The following NIPBL variants were observed in gnomAD, a reference collection of about 807,000 sequenced individuals.
The protein encoded by NIPBL is nipped-B-like protein.
Under a neutral mutation model 321.8 loss-of-function variants are expected in NIPBL, and 19 were observed. The ratio of observed to expected loss-of-function variants is 0.06; its 90% CI spans 0.04 to 0.09. The LOEUF is 0.09. Among genes scored for constraint, NIPBL ranks in the 10% least tolerant of loss-of-function variants. The pLI, the probability that NIPBL is intolerant of heterozygous loss-of-function variation, is 1.00. For synonymous variants in NIPBL, 1,106 were observed against 1,114.1 expected, an observed-to-expected ratio of 0.99 and a Z score of 0.14; for missense variants, 2,210 against 3,327.0, an observed-to-expected ratio of 0.66 and a Z score of 8.26.
At chr5:36,947,431 A>G (rs991087747) in intron 1 of NIPBL, among the ~76,000 whole-genome samples, 10 of 151,946 alleles carry the variant, frequency 6.6e-5, no homozygotes, top group Non-Finnish European at 1.3e-4. Flanking sequence ...CCTTATCACT[A>G]TTAAATTAGT....
intron 1 of NIPBL, among the ~76,000 whole-genome samples, chr5:36,948,673 A>G (rs892747641): frequency 6.6e-6 from 1 of 151,912 alleles, no homozygotes; most frequent in African/African-American, 2.4e-5. Flanking sequence ...AACTTAACAT[A>G]AAAAATACCA....
At position 36,958,137 on chromosome 5, in the gene NIPBL, A is replaced by T; in HGVS notation, c.264A>T (p.Pro88=). Residue 88 remains proline, a synonymous_variant, in exon 4 of 47, where the codon CCA becomes CCT. Coordinates refer to ENST00000282516, the MANE Select transcript of NIPBL (RefSeq NM_133433.4). ...ELKDNLGSDD[P]EGDIPVLLQA... The stretch of plus-strand genomic sequence containing the variant: ...AAGATAACCTTGGCAGTGATGACCC[A>T]GAAGGTGACATACCAGTCTTGTTGC... 1 of 1,614,102 alleles carries T rather than the reference A, an allele frequency of 6.2e-7. No individual in the cohort carries two copies. Among genetic ancestry groups the T allele is most frequent in the Non-Finnish European group, 8.5e-7 (1 of 1,179,968 alleles).
intron 1 of NIPBL, among the ~76,000 whole-genome samples, chr5:36,929,123 G>A (rs1580256209): frequency 1.3e-5 from 2 of 152,094 alleles, no homozygotes; most frequent in African/African-American, 4.8e-5. Context: ...TACCAGCAGT[G>A]TGTAAGGGTT....
Position 36,970,882 on chromosome 5 carries a change from T to A in NIPBL, c.617T>A (p.Val206Glu), listed in dbSNP as rs1742780375. ...TTHPQMQQASVSSPIVAGGLR... is the reference protein window; with the variant it reads ...TTHPQMQQASESSPIVAGGLR... ...TTATTCTTATTAATTTCAGCATCGG[T>A]ATCAAGTCCCATTGTTGCAGGTGGT... The change falls in exon 7 of 47, where the codon GTA (valine) becomes GAA (glutamate). Residue 206 changes from valine to glutamate, a missense_variant. Val to Glu is a moderately radical substitution (Grantham distance 121). Coordinates refer to ENST00000282516, the MANE Select transcript of NIPBL (RefSeq NM_133433.4). The A allele has an allele frequency of 3.1e-6, 5 of 1,613,128 alleles. No homozygotes were observed. The highest frequency in any genetic ancestry group is 4.2e-6 in the Non-Finnish European group (5 of 1,179,296).
intron 7 of NIPBL, 117 bp from the exon 8 acceptor site, chr5:36,971,828 C>T: frequency 2.0e-6 from 3 of 1,499,130 alleles, no homozygotes; most frequent in Non-Finnish European, 2.7e-6. Context: ...AAGAATTATG[C>T]TTTTGAATTC....
intron 1 of NIPBL, chr5:36,885,164 C>G (rs1352910976): frequency 4.1e-6 from 2 of 485,206 alleles, no homozygotes; most frequent in African/African-American, 2.0e-5. Flanking sequence ...TCAGGGTCAG[C>G]AAAGCCTGAG....
In NIPBL at chr5:37,064,904, A is replaced by G. The variant is rs1755233358; in HGVS notation, c.*12A>G. On this transcript the variant is annotated 3_prime_UTR_variant, in exon 47 of 47. Transcript: ENST00000282516. ...GGACTTCCAGCTAATGAATTTGTACATGCAGCCAAATTTACAGGAATTTTT... is the reference window on the plus strand; with the variant it reads ...GGACTTCCAGCTAATGAATTTGTACGTGCAGCCAAATTTACAGGAATTTTT... 4 of 1,613,994 alleles carry G rather than the reference A, an allele frequency of 2.5e-6. No individual in the cohort carries two copies. The highest frequency in any genetic ancestry group is 1.1e-5 in the South Asian group (1 of 91,076).
intron 1 of NIPBL, among the ~76,000 whole-genome samples, chr5:36,937,794 T>C (rs1181099085): frequency 6.6e-6 from 1 of 152,208 alleles, no homozygotes; most frequent in Non-Finnish European, 1.5e-5. Flanking sequence ...AGCCTTATTT[T>C]AGGACCAACT....
In NIPBL at chr5:37,006,596, C is replaced by T. The variant is rs769419682; in HGVS notation, c.4087+8C>T. The T allele has an allele frequency of 5.2e-6, 8 of 1,546,226 alleles. 1 individual carries two copies. The highest frequency in any genetic ancestry group is 4.1e-5 in the African/African-American group (3 of 73,412). On this transcript the variant is annotated splice_region_variant and intron_variant, in intron 17 of 46. Transcript: ENST00000282516. ...GATTAGATCCTCATGGAGGTTAGTTCGTATAATATCAAAATTATTGTAAAT... is the reference window on the plus strand; with the variant it reads ...GATTAGATCCTCATGGAGGTTAGTTTGTATAATATCAAAATTATTGTAAAT...
chr5:36,905,025 G>T (rs190687852), intron 1 of NIPBL, among the ~76,000 whole-genome samples: 2 of 152,286 alleles, frequency 1.3e-5, no homozygotes, highest in Admixed American at 1.3e-4. Context: ...ATTAGTATGA[G>T]AATTCCAGTG....
intron 34 of NIPBL, among the ~76,000 whole-genome samples, chr5:37,040,647 A>G (rs1435364274): frequency 2.0e-5 from 3 of 152,162 alleles, no homozygotes; most frequent in Non-Finnish European, 4.4e-5. Context: ...ACTACAAACA[A>G]TTTTTAAATA....
In NIPBL at chr5:36,943,282, A is replaced by G. The variant is rs530745179; in HGVS notation, c.-79-10336A>G. ...ACAATTGGAAATCAAAAATTTGTCA[A>G]TTATAATAACATCAAAAATGTGAAC... On this transcript the variant is annotated intron_variant, in intron 1 of 46. Coordinates refer to ENST00000282516, the MANE Select transcript of NIPBL (RefSeq NM_133433.4). Among the ~76,000 whole-genome samples the G allele has an allele frequency of 7.8e-4, 119 of 152,312 alleles. 1 individual carries two copies. The South Asian group carries it at 0.014, about 18-fold the overall frequency.
chr5:36,880,350 GTAAA>G (rs1391673177), intron 1 of NIPBL, among the ~76,000 whole-genome samples: 1 of 151,912 alleles, frequency 6.6e-6, no homozygotes, highest in Non-Finnish European at 1.5e-5. Flanking sequence ...TAATATAAGA[GTAAA>G]TAAAAACCAG....
At chr5:36,918,627 T>G (rs900819677) in intron 1 of NIPBL, among the ~76,000 whole-genome samples, 3 of 152,082 alleles carry the variant, frequency 2.0e-5, no homozygotes, top group South Asian at 2.1e-4. Context: ...ATGCTTCCAG[T>G]TTTTGCCCAT....
chr5:37,018,091 A>G, intron 24 of NIPBL, among the ~76,000 whole-genome samples: 1 of 152,150 alleles, frequency 6.6e-6, no homozygotes, highest in East Asian at 1.9e-4. Context: ...GGAACTAACA[A>G]GTACATTTCT....
At position 37,022,245 on chromosome 5, in the gene NIPBL, T is replaced by C. The variant is rs894117241; in HGVS notation, c.5429T>C (p.Leu1810Pro). ...VAVDPSILAR[L>P]DMQRGVHGRL... ...TTTTTTCTCTTCATTTTTCTTTAGC[T>C]TGATATGCAACGAGGTGTTCATGGA... The change falls in exon 29 of 47, where the codon CTT becomes CCT. Residue 1810 changes from leucine to proline, a missense_variant and splice_region_variant. Leu to Pro is a moderately conservative substitution (Grantham distance 98). Around this residue, in one of 14 missense-constraint regions of NIPBL, gnomAD observed 49 missense variants for 163.6 expected, o/e 0.30. Coordinates refer to ENST00000282516, the MANE Select transcript of NIPBL (RefSeq NM_133433.4). The C allele has an allele frequency of 3.7e-6, 6 of 1,614,108 alleles. No individual in the cohort carries two copies. Among genetic ancestry groups the C allele is most frequent in the Admixed American group, 3.3e-5 (2 of 60,022 alleles).
chr5:37,045,425 ATTAC>A lies in NIPBL; in HGVS notation c.6344-14_6344-11del. 1 of 1,526,862 alleles carries A rather than the reference ATTAC, an allele frequency of 6.5e-7. No homozygotes were observed. The highest frequency in any genetic ancestry group is 2.3e-5 in the East Asian group (1 of 44,380). 94.6% of individuals were successfully genotyped at this position (1,526,862 alleles called of 1,614,324 possible). A position where few individuals can be genotyped will look rare whatever the true frequency, so the allele number is the denominator to read the frequency against. ...TCAAAGATAAATATTATAAGTAAAT[ATTAC>A]TTATCTTTATTAGGTGCCATTTCAA... On this transcript the variant is annotated splice_polypyrimidine_tract_variant and intron_variant, in intron 36 of 46. Coordinates refer to ENST00000282516, the MANE Select transcript of NIPBL (RefSeq NM_133433.4).
chr5:37,000,953 A>G (rs770310546), intron 13 of NIPBL, 36 bp from the exon 14 acceptor site: 63 of 1,588,842 alleles, frequency 4.0e-5, no homozygotes, highest in Non-Finnish European at 5.0e-5. Flanking sequence ...TCTACTTGTA[A>G]TGTGAGAATA....
chr5:37,045,920 G>A (rs1054848825), intron 37 of NIPBL, among the ~76,000 whole-genome samples, 189 bp from the exon 38 acceptor site: 5 of 152,116 alleles, frequency 3.3e-5, no homozygotes, highest in Admixed American at 1.3e-4. Flanking sequence ...TTTACATTCC[G>A]AAACAAGCTT....
Sources: gnomAD v4.1 joint callset for allele counts (sites outside exome capture counted in the v4.1 genomes callset) on GRCh38, gnomAD v4.1.1 for gene constraint, gnomAD v4.1.1 regional missense constraint, MANE v1.5 for transcripts, NCBI Gene and HGNC (gene_info 2026-07-23, HGNC 2026-07-21) for gene names.